The following AK5 variants were observed in gnomAD, a reference collection of about 807,000 sequenced individuals.
The protein encoded by AK5 is adenylate kinase 5.
AK5 carries 27 observed loss-of-function variants against 69.5 expected under a neutral mutation model. That is an observed-to-expected ratio of 0.39 (90% CI 0.29 to 0.54). The LOEUF (loss-of-function observed/expected upper bound fraction) is 0.54. Ranked by LOEUF, AK5 falls within the 20% of genes least tolerant of loss-of-function variation. The probability of loss-of-function intolerance (pLI) is 0.71; values close to 1 mark genes in which losing one functional copy is unlikely to be tolerated. For synonymous variants in AK5, 260 were observed against 244.4 expected (o/e 1.06, Z -0.60); for missense variants, 531 against 700.4 (o/e 0.76, Z 2.73).
intron 10 of AK5, among the ~76,000 whole-genome samples, chr1:77,508,405 T>C (rs1240099628): frequency 6.6e-6 from 1 of 152,164 alleles, no homozygotes; most frequent in East Asian, 1.9e-4. Context: ...CTGGTAACCA[T>C]GCTGATGGAG....
intron 6 of AK5, among the ~76,000 whole-genome samples, chr1:77,361,907 C>T (rs1475363184): frequency 6.6e-6 from 1 of 152,114 alleles, no homozygotes; most frequent in Non-Finnish European, 1.5e-5. Context: ...GTTACAATTC[C>T]AGGTGAGATT....
At chr1:77,479,357 C>T (rs1210741692) in intron 8 of AK5, among the ~76,000 whole-genome samples, 1 of 152,078 alleles carries the variant, frequency 6.6e-6, no homozygotes, top group African/African-American at 2.4e-5. Context: ...AGGCATGCGC[C>T]ACTATGCCCG....
chr1:77,324,280 T>G (rs1660675061), intron 5 of AK5, among the ~76,000 whole-genome samples: 1 of 137,246 alleles, frequency 7.3e-6, no homozygotes, highest in African/African-American at 2.7e-5. Flanking sequence ...ATTCAATTAA[T>G]TAAGTGTGGA....
chr1:77,510,970 G>A (rs971877711), intron 10 of AK5, among the ~76,000 whole-genome samples: 37 of 149,052 alleles, frequency 2.5e-4, no homozygotes, highest in Admixed American at 2.3e-3. Context: ...TTTGTCTCCT[G>A]TAAAATATAA....
At chr1:77,321,910 A>C (rs563949350) in intron 5 of AK5, among the ~76,000 whole-genome samples, 3 of 152,322 alleles carry the variant, frequency 2.0e-5, no homozygotes, top group African/African-American at 7.2e-5. Context: ...AATGTGTACC[A>C]AAACTATTAG....
chr1:77,334,166 T>C (rs1257734914), intron 5 of AK5, among the ~76,000 whole-genome samples: 2 of 152,332 alleles, frequency 1.3e-5, no homozygotes, highest in East Asian at 3.9e-4. Context: ...AGTTTTTGTT[T>C]GTTTGGAAAT....
Position 77,489,221 on chromosome 1 carries a change from G to A in AK5, c.1147+2869G>A, listed in dbSNP as rs572454856. Among the ~76,000 whole-genome samples the A allele has an allele frequency of 8.5e-5, 13 of 152,148 alleles. 1 individual carries two copies. In the East Asian group the frequency reaches 1.3e-3, roughly 16 times the overall value. On this transcript the variant is annotated intron_variant, in intron 10 of 13. Coordinates refer to ENST00000354567, the MANE Select transcript of AK5 (RefSeq NM_174858.3). Reference sequence around the variant, plus strand: ...TAGACAAAGCTCGAAACCTCCAAGGGTCCACAGACCACCCTCTAAGAATTG... The same window carrying A: ...TAGACAAAGCTCGAAACCTCCAAGGATCCACAGACCACCCTCTAAGAATTG...
intron 6 of AK5, among the ~76,000 whole-genome samples, chr1:77,405,119 G>T (rs181691702): frequency 3.1e-3 from 479 of 152,314 alleles, no homozygotes; most frequent in African/African-American, 0.011. Context: ...ATGGGACATG[G>T]TCTCTCAGCC....
chr1:77,368,606 T>C (rs1268427912), intron 6 of AK5, among the ~76,000 whole-genome samples: 1 of 151,762 alleles, frequency 6.6e-6, no homozygotes, highest in Admixed American at 6.6e-5. Flanking sequence ...GACTTAATGG[T>C]AAAAAATATA....
chr1:77,420,354 A>G (rs1650726174), intron 8 of AK5: 3 of 152,212 alleles, frequency 2.0e-5, no homozygotes, highest in Admixed American at 2.0e-4. Flanking sequence ...GAATTTGTCT[A>G]GCAGGCTTTC....
intron 5 of AK5, among the ~76,000 whole-genome samples, chr1:77,304,400 C>A (rs1379296711): frequency 1.8e-5 from 1 of 56,870 alleles, no homozygotes; most frequent in Non-Finnish European, 3.2e-5. Context: ...ACCATATTTT[C>A]TTTTCTTTTC....
At chr1:77,508,629 G>A (rs1301643348) in intron 10 of AK5, among the ~76,000 whole-genome samples, 1 of 152,162 alleles carries the variant, frequency 6.6e-6, no homozygotes. Context: ...CACTTTGGGA[G>A]GCTGAGGTGG....
chr1:77,422,212 C>A (rs1448429183), intron 8 of AK5, among the ~76,000 whole-genome samples: 2 of 152,116 alleles, frequency 1.3e-5, no homozygotes, highest in Non-Finnish European at 2.9e-5. Context: ...CACTCCACTG[C>A]CCATGCTTTG....
rs114199734 is a variant in AK5, at chr1:77,345,070, G to A, written c.891+4502G>A. Among the ~76,000 whole-genome samples the A allele has an allele frequency of 5.5e-3, 825 of 151,316 alleles. 6 individuals are homozygous for A. The highest frequency in any genetic ancestry group is 0.018 in the African/African-American group (763 of 41,256). Reference sequence around the variant, plus strand: ...CATTCAAAACTTTGTGCCATTAGATGTTCTATTCAGCCAGAAAAACATGGA... The same window carrying A: ...CATTCAAAACTTTGTGCCATTAGATATTCTATTCAGCCAGAAAAACATGGA... On this transcript the variant is annotated intron_variant, in intron 6 of 13. Coordinates refer to ENST00000354567, the MANE Select transcript of AK5 (RefSeq NM_174858.3).
At chr1:77,351,483 C>G (rs895574793) in intron 6 of AK5, among the ~76,000 whole-genome samples, 9 of 152,172 alleles carry the variant, frequency 5.9e-5, no homozygotes, top group African/African-American at 1.7e-4. Flanking sequence ...GATGGACGAT[C>G]TAGGAGTAGT....
At position 77,529,013 on chromosome 1, in the gene AK5, A is replaced by G. The variant is rs74612825; in HGVS notation, c.1429-6834A>G. Among the ~76,000 whole-genome samples the G allele has an allele frequency of 1.0e-3, 159 of 152,354 alleles. 1 individual carries two copies. Among genetic ancestry groups the G allele is most frequent in the African/African-American group, 3.6e-3 (149 of 41,586 alleles). ...CTTATAAGCCTACATATGGTGTTCAATAAGTCTTTACAGTTTTTTTAATAA... is the reference window on the plus strand; with the variant it reads ...CTTATAAGCCTACATATGGTGTTCAGTAAGTCTTTACAGTTTTTTTAATAA... On this transcript the variant is annotated intron_variant, in intron 12 of 13. Transcript: ENST00000354567.
At chr1:77,338,808 G>T (rs1276343917) in intron 5 of AK5, among the ~76,000 whole-genome samples, 1 of 152,126 alleles carries the variant, frequency 6.6e-6, no homozygotes, top group Non-Finnish European at 1.5e-5. Flanking sequence ...AATGTATTGA[G>T]CACCTGCCAT....
chr1:77,367,569 A>ATAATATATATGT (rs1553139696), intron 6 of AK5, among the ~76,000 whole-genome samples: 8 of 31,636 alleles, frequency 2.5e-4, no homozygotes, highest in Admixed American at 5.5e-4. Flanking sequence ...ATATATATAT[A>ATAATATATATGT]TATATATATA....
chr1:77,466,968 A>C (rs1022669055), intron 8 of AK5, among the ~76,000 whole-genome samples: 1 of 152,206 alleles, frequency 6.6e-6, no homozygotes, highest in Non-Finnish European at 1.5e-5. Flanking sequence ...AGAAATGAAA[A>C]TATTTTCCAT....
Sources: allele counts gnomAD v4.1 joint callset (sites outside exome capture counted in the v4.1 genomes callset), GRCh38; gene constraint gnomAD v4.1.1; transcripts MANE v1.5; gene names NCBI Gene and HGNC (gene_info 2026-07-23, HGNC 2026-07-21).